AVEN: variants seen among roughly 807,000 people sequenced by gnomAD.
AVEN encodes the protein apoptosis and caspase activation inhibitor.
AVEN carries 41 observed loss-of-function variants against 38.1 expected under a neutral mutation model. The observed-to-expected ratio is 1.08, with a 90% confidence interval of 0.84 to 1.40. The LOEUF (loss-of-function observed/expected upper bound fraction) is 1.40. Among genes scored for constraint, AVEN ranks in the 40% most tolerant of loss-of-function variants. AVEN has a pLI of 0.00. For synonymous variants in AVEN, 206 were observed against 171.8 expected (o/e 1.20, Z -1.56); for missense variants, 605 against 438.8 (o/e 1.38, Z -3.38).
At chr15:33,915,335 A>C (rs1213629963) in intron 2 of AVEN, among the ~76,000 whole-genome samples, 1 of 152,124 alleles carries the variant, frequency 6.6e-6, no homozygotes, top group African/African-American at 2.4e-5. Flanking sequence ...CAACCAAAAA[A>C]CTGTTGCGTG....
chr15:33,918,830 T>A (rs1172007330), intron 2 of AVEN, among the ~76,000 whole-genome samples: 1 of 152,096 alleles, frequency 6.6e-6, no homozygotes, highest in Non-Finnish European at 1.5e-5. Context: ...ATTTCCTCAA[T>A]GTGAAGGAAA....
At chr15:34,064,460 T>A (rs1455885032) in intron 4 of AVEN, 1 of 1,001,676 alleles carries the variant, frequency 1.0e-6, no homozygotes, top group Non-Finnish European at 1.4e-6. Context: ...TCAAGTTTGG[T>A]TGCCAAATGG....
intron 1 of AVEN, among the ~76,000 whole-genome samples, chr15:34,036,382 G>A (rs1899126699): frequency 6.6e-6 from 1 of 152,118 alleles, no homozygotes. Context: ...ACACAAAATT[G>A]GTTTCTGAAG....
intron 2 of AVEN, among the ~76,000 whole-genome samples, chr15:33,922,108 T>C (rs1334654637): frequency 1.3e-5 from 2 of 152,198 alleles, no homozygotes; most frequent in Non-Finnish European, 2.9e-5. Context: ...ATCTAATCTG[T>C]CTAGGATTAC....
chr15:33,881,996 T>G (rs1417553200), intron 2 of AVEN, among the ~76,000 whole-genome samples: 1 of 152,200 alleles, frequency 6.6e-6, no homozygotes, highest in Admixed American at 6.5e-5. Context: ...CTGAATTAAT[T>G]GGGGCATAGT....
At chr15:33,922,948 ATC>A (rs1004397894) in intron 2 of AVEN, among the ~76,000 whole-genome samples, 4 of 152,214 alleles carry the variant, frequency 2.6e-5, no homozygotes, top group Non-Finnish European at 5.9e-5. Flanking sequence ...TTGAATTTAC[ATC>A]TGTTTTATAG....
rs751199391 is a variant in AVEN, at chr15:34,063,405, C to T, written n.1154G>A. 1.7e-5 allele frequency: 28 copies of T among 1,613,928 alleles called. No homozygotes were observed. The highest frequency in any genetic ancestry group is 1.9e-5 in the Non-Finnish European group (23 of 1,180,060). On this transcript the variant is annotated non_coding_transcript_exon_variant, in exon 5 of 12. Transcript: ENST00000675287. The surrounding 1 kb of genome is among the most constrained non-coding windows in gnomAD (Gnocchi z 4.1). Reference sequence around the variant, plus strand: ...GAAGCGAACCAAGGACCTGGCTGACCTCCAGGGTTCTGACTCTGTGACCAA... The same window carrying T: ...GAAGCGAACCAAGGACCTGGCTGACTTCCAGGGTTCTGACTCTGTGACCAA...
chr15:33,984,485 C>A (rs1163570733), intron 2 of AVEN, among the ~76,000 whole-genome samples: 2 of 151,888 alleles, frequency 1.3e-5, no homozygotes, highest in African/African-American at 4.8e-5. Flanking sequence ...TCACTGCAAC[C>A]TCCACCTCCC....
chr15:34,056,467 A>T (rs1401801949), intron 5 of AVEN, among the ~76,000 whole-genome samples: 1 of 152,250 alleles, frequency 6.6e-6, no homozygotes, highest in East Asian at 1.9e-4. Flanking sequence ...TGTTAAGCCA[A>T]ATTAAGTAAT....
In AVEN at chr15:33,956,543, ATATATATTGGAAACTAGTTC is replaced by A. The variant is rs554034466; in HGVS notation, c.445+46469_445+46488del. Among the ~76,000 whole-genome samples, 872 of 152,250 alleles carry A rather than the reference ATATATATTGGAAACTAGTTC, an allele frequency of 5.7e-3. 4 individuals are homozygous for A. The highest frequency in any genetic ancestry group is 0.02 in the African/African-American group (834 of 41,530). On this transcript the variant is annotated intron_variant, in intron 2 of 5. Transcript: ENST00000306730. The stretch of plus-strand genomic sequence containing the variant: ...TTTAATAGGGTTGTTAAAACACATC[ATATATATTGGAAACTAGTTC>A]TCTGTAATGAGTCACCATCCTATCT...
intron 2 of AVEN, among the ~76,000 whole-genome samples, chr15:33,890,451 AATC>A (rs1236080372): frequency 2.0e-5 from 3 of 152,204 alleles, no homozygotes; most frequent in Non-Finnish European, 1.5e-5. Context: ...GGCTAAACAA[AATC>A]AACAAATGAA....
At chr15:33,905,309 T>A (rs375136120) in intron 2 of AVEN, among the ~76,000 whole-genome samples, 1 of 152,116 alleles carries the variant, frequency 6.6e-6, no homozygotes, top group East Asian at 1.9e-4. Flanking sequence ...AGAAGTTTCT[T>A]AAATTATCTA....
chr15:33,985,537 CAGACAAAGAGCAGTCAGAGCCTTGCAT>C (rs1412979240), intron 2 of AVEN, among the ~76,000 whole-genome samples: 1 of 151,894 alleles, frequency 6.6e-6, no homozygotes, highest in East Asian at 1.9e-4. Flanking sequence ...ATGAGAAATT[CAGACAAAGAGCAGTCAGAGCCTTGCAT>C]TCTTGACATA....
intron 2 of AVEN, among the ~76,000 whole-genome samples, chr15:33,903,586 C>T (rs1192703974): frequency 6.6e-6 from 1 of 152,158 alleles, no homozygotes; most frequent in South Asian, 2.1e-4. Context: ...TCATTAACTA[C>T]AAGTTTCCTC....
At chr15:34,027,856 T>TA (rs1003347061) in intron 1 of AVEN, among the ~76,000 whole-genome samples, 1 of 150,240 alleles carries the variant, frequency 6.7e-6, no homozygotes, top group African/African-American at 2.4e-5. Flanking sequence ...ACAAAAACCT[T>TA]AAAGGAAAAA....
chr15:34,053,745 A>G (rs1406819719), intron 5 of AVEN, among the ~76,000 whole-genome samples: 1 of 152,198 alleles, frequency 6.6e-6, no homozygotes, highest in Non-Finnish European at 1.5e-5. Context: ...AAGCTAGGCA[A>G]TACCGTTCAG....
intron 2 of AVEN, among the ~76,000 whole-genome samples, chr15:33,987,064 C>A (rs1472239242): frequency 6.6e-6 from 1 of 152,216 alleles, no homozygotes; most frequent in Non-Finnish European, 1.5e-5. Flanking sequence ...CCTCACCACT[C>A]AATGCCTCTA....
the AVEN span, chr15:33,852,106 C>G: frequency 2.0e-5 from 3 of 148,648 alleles, no homozygotes; most frequent in South Asian, 6.4e-4. Context: ...TTCCTTATCA[C>G]CAACTTGGGT....
chr15:33,866,845 C>G (rs779530551), intron 5 of AVEN, 117 bp from the exon 6 acceptor site: 201 of 715,948 alleles, frequency 2.8e-4, no homozygotes, highest in Non-Finnish European at 4.3e-4. Context: ...TATTCTTACT[C>G]CCTAAGATGA....
Sources: gnomAD v4.1 joint callset for allele counts (sites outside exome capture counted in the v4.1 genomes callset) on GRCh38, gnomAD v4.1.1 for gene constraint, Gnocchi (gnomAD v3.1) non-coding constraint, MANE v1.5 for transcripts, NCBI Gene and HGNC (gene_info 2026-07-23, HGNC 2026-07-21) for gene names.